CDH12: variants seen among roughly 807,000 people sequenced by gnomAD.
CDH12 encodes cadherin 12.
A neutral mutation model predicts 74.1 loss-of-function variants in CDH12; 41 were observed. The observed-to-expected ratio is 0.55, with a 90% CI of 0.43 to 0.72. The LOEUF is 0.72. Among genes scored for constraint, CDH12 ranks in the 30% least tolerant of loss-of-function variants. The probability of loss-of-function intolerance (pLI) is 0.00; values close to 1 mark genes in which losing one functional copy is unlikely to be tolerated. For missense variants in CDH12, 945 were observed against 977.2 expected, an observed-to-expected ratio of 0.97 and a Z score of 0.44; for synonymous variants, 399 against 355.0, an observed-to-expected ratio of 1.12 and a Z score of -1.39.
chr5:22,180,806 T>C (rs947591945), intron 4 of CDH12, among the ~76,000 whole-genome samples: 5 of 152,072 alleles, frequency 3.3e-5, no homozygotes, highest in Non-Finnish European at 7.4e-5. Flanking sequence ...CAGCCAGTTT[T>C]TGAATTTGAA....
At chr5:22,264,255 A>G (rs951652025) in intron 3 of CDH12, among the ~76,000 whole-genome samples, 5 of 152,080 alleles carry the variant, frequency 3.3e-5, no homozygotes, top group Non-Finnish European at 1.5e-5. Flanking sequence ...ACATAAACTC[A>G]GATATGTGTG....
intron 3 of CDH12, among the ~76,000 whole-genome samples, chr5:22,254,057 T>A (rs1753225256): frequency 2.0e-5 from 3 of 151,804 alleles, no homozygotes. Context: ...CTCAAGAAGT[T>A]TGAGTTCTCT....
chr5:22,787,242 T>C (rs1747684482), intron 1 of CDH12, among the ~76,000 whole-genome samples: 1 of 152,132 alleles, frequency 6.6e-6, no homozygotes, highest in African/African-American at 2.4e-5. Context: ...TTTCTTCCAT[T>C]TCATTCCACT....
intron 4 of CDH12, chr5:22,143,184 T>C (rs1349071941): frequency 6.6e-6 from 1 of 152,292 alleles, no homozygotes; most frequent in African/African-American, 2.4e-5. Flanking sequence ...AAATAAGGCA[T>C]CATAATTTAC....
chr5:21,830,199 CAAAAAAAAAAA>C (rs1055199877), intron 8 of CDH12, among the ~76,000 whole-genome samples: 22 of 25,254 alleles, frequency 8.7e-4, no homozygotes, highest in South Asian at 4.9e-3. Flanking sequence ...AACTCCTTCT[CAAAAAAAAAAA>C]AAAAAAAAAA....
intron 3 of CDH12, among the ~76,000 whole-genome samples, chr5:22,281,824 A>G (rs1736897726): frequency 6.6e-6 from 1 of 152,170 alleles, no homozygotes; most frequent in South Asian, 2.1e-4. Flanking sequence ...ATTCAATGCT[A>G]TTCCTGTGAA....
At chr5:21,990,745 C>A (rs1219975795) in intron 5 of CDH12, among the ~76,000 whole-genome samples, 2 of 150,828 alleles carry the variant, frequency 1.3e-5, no homozygotes, top group Non-Finnish European at 3.0e-5. Flanking sequence ...TGATTACAAT[C>A]CTTCTATTAG....
intron 4 of CDH12, among the ~76,000 whole-genome samples, chr5:22,165,491 C>T (rs542360388): frequency 8.8e-4 from 61 of 69,390 alleles, no homozygotes; most frequent in Non-Finnish European, 1.6e-3. Context: ...CATACACATA[C>T]ACATACACAT....
chr5:22,648,131 T>C (rs916068168), intron 1 of CDH12, among the ~76,000 whole-genome samples: 1 of 151,774 alleles, frequency 6.6e-6, no homozygotes, highest in African/African-American at 2.4e-5. Flanking sequence ...GAAGATAAAT[T>C]TTGACAAAGG....
At chr5:21,940,605 T>A (rs1258978092) in intron 6 of CDH12, among the ~76,000 whole-genome samples, 3 of 152,176 alleles carry the variant, frequency 2.0e-5, no homozygotes, top group Admixed American at 2.0e-4. Context: ...CAGAAACCAT[T>A]TTAGTATCCA....
chr5:22,735,948 A>G (rs1462639272), intron 1 of CDH12, among the ~76,000 whole-genome samples: 1 of 151,872 alleles, frequency 6.6e-6, no homozygotes, highest in African/African-American at 2.4e-5. Context: ...AGGATCAATG[A>G]CTACGTCTCT....
intron 4 of CDH12, among the ~76,000 whole-genome samples, chr5:22,187,191 A>G (rs761828367): frequency 6.6e-6 from 1 of 152,176 alleles, no homozygotes; most frequent in Non-Finnish European, 1.5e-5. Context: ...GGAGTAATAG[A>G]CCAGTCTCTG....
chr5:22,513,605 G>A (rs1736694881), intron 1 of CDH12, among the ~76,000 whole-genome samples: 1 of 152,118 alleles, frequency 6.6e-6, no homozygotes, highest in South Asian at 2.1e-4. Flanking sequence ...TACCATGGGA[G>A]TCCTGGGCTA....
In CDH12 at chr5:21,874,766, C is replaced by A. The variant is rs140617799; in HGVS notation, c.527-19976G>T. ...CTGGGGTAGAAGGGTGTCCGCCGCA[C>A]TTCTGATCCAGCCAGGCGGTGCCCA... On this transcript the variant is annotated intron_variant, in intron 6 of 14. Coordinates refer to ENST00000382254, the MANE Select transcript of CDH12 (RefSeq NM_004061.5). 8.9e-3 allele frequency among the ~76,000 whole-genome samples: 1,353 copies of A among 152,282 alleles called. 14 individuals are homozygous for A. Among genetic ancestry groups the A allele is most frequent in the African/African-American group, 0.031 (1,299 of 41,546 alleles).
intron 6 of CDH12, among the ~76,000 whole-genome samples, chr5:21,902,219 C>A (rs1753421904): frequency 6.6e-6 from 1 of 151,250 alleles, no homozygotes. Flanking sequence ...ACTAGTAAAC[C>A]AAATTGAGGT....
chr5:22,572,919 C>T (rs990202724), intron 1 of CDH12, among the ~76,000 whole-genome samples: 2 of 152,156 alleles, frequency 1.3e-5, no homozygotes, highest in African/African-American at 4.8e-5. Flanking sequence ...TGTCAGCAAG[C>T]ATTAATCTAT....
chr5:22,644,840 T>G (rs1739352688), intron 1 of CDH12, among the ~76,000 whole-genome samples: 1 of 152,072 alleles, frequency 6.6e-6, no homozygotes, highest in Non-Finnish European at 1.5e-5. Flanking sequence ...GATCATTTAC[T>G]ATTCTGAAAA....
chr5:22,259,675 C>G (rs1580455620), intron 3 of CDH12, among the ~76,000 whole-genome samples: 1 of 151,750 alleles, frequency 6.6e-6, no homozygotes, highest in Non-Finnish European at 1.5e-5. Context: ...CTTTGTTATT[C>G]TGTTATTCTT....
intron 9 of CDH12, among the ~76,000 whole-genome samples, chr5:21,809,790 A>G (rs1270095669): frequency 6.6e-6 from 1 of 152,108 alleles, no homozygotes; most frequent in East Asian, 1.9e-4. Flanking sequence ...AGATATGGAA[A>G]AGTGCCTCCA....
Sources: gnomAD v4.1 joint callset for allele counts (sites outside exome capture counted in the v4.1 genomes callset) on GRCh38, gnomAD v4.1.1 for gene constraint, MANE v1.5 for transcripts, NCBI Gene and HGNC (gene_info 2026-07-23, HGNC 2026-07-21) for gene names.